Variants in ANTXRL observed in about 807,000 individuals in gnomAD.
ANTXRL encodes ANTXR like, also known as anthrax toxin receptor-like.
A neutral mutation model predicts 75.4 loss-of-function variants in ANTXRL; 63 were observed. That is an observed-to-expected ratio of 0.84 (90% CI 0.68 to 1.03). The LOEUF (loss-of-function observed/expected upper bound fraction) is 1.03. Among genes scored for constraint, ANTXRL ranks in the 50% least tolerant of loss-of-function variants. ANTXRL has a pLI of 0.00. For missense variants in ANTXRL, 797 were observed against 789.4 expected (o/e 1.01, Z -0.12); for synonymous variants, 335 against 291.3 (o/e 1.15, Z -1.53).
At chr10:46,328,031 C>T (rs1274711894) in intron 16 of ANTXRL, among the ~76,000 whole-genome samples, 2 of 152,124 alleles carry the variant, frequency 1.3e-5, no homozygotes, top group Non-Finnish European at 2.9e-5. Flanking sequence ...GAAGGGGATG[C>T]AGTTACAGTC....
chr10:46,311,545 ACCGCCTCCGCCTCCACCACCTCCACTC>A lies in ANTXRL; in HGVS notation c.1221_1247del (p.Pro409_Pro417del). 1.3e-6 allele frequency: 2 copies of A among 1,533,548 alleles called. No homozygotes were observed. Among genetic ancestry groups the A allele is most frequent in the Non-Finnish European group, 1.7e-6 (2 of 1,145,292 alleles). The allele number at this position is 1,533,548 out of a possible 1,614,324, so 95.0% of individuals were successfully genotyped here. On this transcript the variant is annotated inframe_deletion, in exon 15 of 17. Coordinates refer to ENST00000620264, the MANE Select transcript of ANTXRL (RefSeq NM_001278688.3). ...AGGAAAAACCACCATCACCACCACC[ACCGCCTCCGCCTCCACCACCTCCACTC>A]CCGCCTCCGCCCCCAGCTCCTGTAA...
intron 1 of ANTXRL, among the ~76,000 whole-genome samples, chr10:46,291,084 A>C (rs1256887868): frequency 3.9e-5 from 6 of 152,128 alleles, no homozygotes; most frequent in African/African-American, 1.4e-4. Context: ...TAGGTCTTTG[A>C]CCCATTTTGA....
chr10:46,305,484 T>C (rs1371918249), intron 10 of ANTXRL, among the ~76,000 whole-genome samples: 1 of 152,166 alleles, frequency 6.6e-6, no homozygotes, highest in East Asian at 1.9e-4. Flanking sequence ...ATAATTGTTT[T>C]GAAATCATCC....
intron 15 of ANTXRL, 38 bp from the exon 16 acceptor site, chr10:46,313,198 A>C (rs1838528464): frequency 2.0e-6 from 3 of 1,521,952 alleles, no homozygotes; most frequent in Non-Finnish European, 2.6e-6. Context: ...GGCAGTGTCC[A>C]AGCTGCATGT....
rs1837226026 is a variant in ANTXRL at position 46,294,152 on chromosome 10, C to T, written c.392+252C>T. The T allele has an allele frequency of 2.7e-5, 14 of 523,590 alleles. No individual in the cohort carries two copies. The South Asian group carries it at 3.0e-4, about 11-fold the overall frequency. The allele number at this position is 523,590 out of a possible 1,614,324, so 32.4% of individuals were successfully genotyped here. A position where few individuals can be genotyped will look rare whatever the true frequency, so the allele number is the denominator to read the frequency against. On this transcript the variant is annotated intron_variant, in intron 3 of 16. Transcript: ENST00000620264. The stretch of plus-strand genomic sequence containing the variant: ...GCCTCCCCCACTTCACGCTCCCCTG[C>T]CCTCTCTCCGCTCTGCCTCCTTCCC...
Position 46,287,348 on chromosome 10 carries a change from GCCTTCGGTA to G in ANTXRL, c.89_97del (p.Leu30_Tyr32del). On this transcript the variant is annotated inframe_deletion, in exon 1 of 17. Coordinates refer to ENST00000620264, the MANE Select transcript of ANTXRL (RefSeq NM_001278688.3). ...CCTCCACCGCTTTTTAGAGCAGGAA[GCCTTCGGTA>G]CCATGGACCTGACTGGAGAATATTT... 6.5e-7 allele frequency: 1 copy of G among 1,536,042 alleles called. No homozygotes were observed. The highest frequency in any genetic ancestry group is 8.7e-7 in the Non-Finnish European group (1 of 1,146,792).
intron 16 of ANTXRL, among the ~76,000 whole-genome samples, chr10:46,317,966 AC>A (rs1554964968): frequency 1.3e-5 from 2 of 152,014 alleles, no homozygotes; most frequent in Non-Finnish European, 2.9e-5. Context: ...CCTTACACTT[AC>A]CCCACAGATT....
intron 9 of ANTXRL, among the ~76,000 whole-genome samples, chr10:46,299,778 T>A (rs1204352576): frequency 6.6e-6 from 1 of 152,100 alleles, no homozygotes; most frequent in Non-Finnish European, 1.5e-5. Context: ...CTCTCGTGAG[T>A]CCAAAGGCAC....
intron 10 of ANTXRL, among the ~76,000 whole-genome samples, chr10:46,305,651 C>T (rs1334386735): frequency 6.6e-6 from 1 of 152,156 alleles, no homozygotes; most frequent in Non-Finnish European, 1.5e-5. Flanking sequence ...CCCTCTCCCG[C>T]ACTTCAGGAG....
chr10:46,330,065 C>T lies in ANTXRL; in HGVS notation c.1877C>T (p.Pro626Leu), dbSNP rs202218897. Reference protein sequence around the residue: ...HTAEPPLSLPPSEPNF With the variant: ...HTAEPPLSLPLSEPNF ...GCAGAACCCCCTTTGTCACTCCCCC[C>T]CTCAGAGCCCAACTTCTAAGGCACC... The change falls in exon 17 of 17, where the codon CCC becomes CTC. Residue 626 changes from proline (P) to leucine (L), a missense_variant. Pro to Leu is a moderately conservative substitution (Grantham distance 98). Transcript: ENST00000620264. 3.3e-4 allele frequency: 504 copies of T among 1,520,662 alleles called. 2 individuals carry two copies. The highest frequency in any genetic ancestry group is 1.5e-3 in the South Asian group (119 of 81,900). The allele number at this position is 1,520,662 out of a possible 1,614,324, so 94.2% of individuals were successfully genotyped here. A position where few individuals can be genotyped will look rare whatever the true frequency, so the allele number is the denominator to read the frequency against.
intron 9 of ANTXRL, among the ~76,000 whole-genome samples, chr10:46,298,827 T>C (rs1453286938): frequency 6.6e-6 from 1 of 151,398 alleles, no homozygotes; most frequent in East Asian, 1.9e-4. Context: ...TGTGGTGTGA[T>C]GTGTGTGGTA....
intron 2 of ANTXRL, 97 bp downstream of exon 2, chr10:46,292,226 G>A (rs1240704030): frequency 8.5e-7 from 1 of 1,171,736 alleles, no homozygotes; most frequent in Non-Finnish European, 1.2e-6. Flanking sequence ...GGTGGGCGTG[G>A]GAGTCCTTCA....
At chr10:46,304,637 T>C (rs782025107) in intron 10 of ANTXRL, among the ~76,000 whole-genome samples, 6 of 152,194 alleles carry the variant, frequency 3.9e-5, no homozygotes, top group East Asian at 1.9e-4. Flanking sequence ...TTAGCCCTAT[T>C]TGTCATGGAT....
intron 16 of ANTXRL, among the ~76,000 whole-genome samples, chr10:46,314,852 C>G (rs1447422719): frequency 6.6e-6 from 1 of 152,112 alleles, no homozygotes; most frequent in East Asian, 1.9e-4. Flanking sequence ...TGCCTCCAGG[C>G]TATCAGAAAT....
intron 1 of ANTXRL, among the ~76,000 whole-genome samples, chr10:46,291,242 A>G (rs1836969448): frequency 6.6e-6 from 1 of 152,190 alleles, no homozygotes; most frequent in African/African-American, 2.4e-5. Context: ...TTGACCACAG[A>G]CATGACAGGT....
intron 9 of ANTXRL, among the ~76,000 whole-genome samples, chr10:46,300,994 C>T (rs377340012): frequency 4.0e-5 from 6 of 149,884 alleles, no homozygotes; most frequent in African/African-American, 1.3e-4. Flanking sequence ...CCCACCCCCC[C>T]TCTCTCTTCA....
At chr10:46,322,254 T>C (rs577549783) in intron 16 of ANTXRL, among the ~76,000 whole-genome samples, 1 of 152,090 alleles carries the variant, frequency 6.6e-6, no homozygotes, top group South Asian at 2.1e-4. Flanking sequence ...GGTCAGGAGT[T>C]TGAGACCAGC....
chr10:46,329,162 C>T (rs1167388132), intron 16 of ANTXRL, among the ~76,000 whole-genome samples: 1 of 152,132 alleles, frequency 6.6e-6, no homozygotes, highest in Non-Finnish European at 1.5e-5. Context: ...CCAAGGGAAC[C>T]GTGGAGCTGC....
intron 15 of ANTXRL, 60 bp from the exon 16 acceptor site, chr10:46,313,176 A>C: frequency 7.0e-7 from 1 of 1,425,382 alleles, no homozygotes; most frequent in South Asian, 1.2e-5. Flanking sequence ...GGGAGTCCTG[A>C]TGCCTTCTGG....
Sources: gnomAD v4.1 joint callset for allele counts (sites outside exome capture counted in the v4.1 genomes callset) on GRCh38, gnomAD v4.1.1 for gene constraint, MANE v1.5 for transcripts, NCBI Gene and HGNC (gene_info 2026-07-23, HGNC 2026-07-21) for gene names.